CLTRN: variants seen among roughly 807,000 people sequenced by gnomAD.
CLTRN encodes collectrin.
CLTRN carries 12 observed loss-of-function variants against 14.5 expected under a neutral mutation model. The ratio of observed to expected loss-of-function variants is 0.83; its 90% confidence interval spans 0.53 to 1.34. CLTRN has a LOEUF of 1.34. CLTRN is among the 40% of genes most tolerant of loss of function. CLTRN has a pLI of 0.00. For missense variants in CLTRN, 154 were observed against 165.1 expected, an observed-to-expected ratio of 0.93 and a Z score of 0.37; for synonymous variants, 58 against 56.5, an observed-to-expected ratio of 1.03 and a Z score of -0.12.
chrX:15,655,810 G>T (rs146861413), intron 3 of CLTRN, among the ~76,000 whole-genome samples: 6 of 112,001 alleles, frequency 5.4e-5, no homozygotes, highest in Non-Finnish European at 1.1e-4. Context: ...AAGTTGGGGA[G>T]CATCCCTCCA....
intron 2 of CLTRN, 34 bp downstream of exon 2, chrX:15,664,303 A>G: frequency 8.9e-7 from 1 of 1,128,219 alleles, no homozygotes. Flanking sequence ...TTAGCAAACA[A>G]AATTTAAAAA....
At chrX:15,656,466 A>G (rs1436206003) in intron 3 of CLTRN, among the ~76,000 whole-genome samples, 1 of 111,681 alleles carries the variant, frequency 9.0e-6, no homozygotes, top group Non-Finnish European at 1.9e-5. Flanking sequence ...GTAGATAAAC[A>G]ATGGTGGGCG....
chrX:15,656,103 T>C (rs1442308494), intron 3 of CLTRN, among the ~76,000 whole-genome samples: 2 of 111,943 alleles, frequency 1.8e-5, no homozygotes, highest in Non-Finnish European at 1.9e-5. Flanking sequence ...GCCTCTCTGA[T>C]CCCCTTAGGG....
At chrX:15,668,943 T>C (rs1403145774), upstream of CLTRN, among the ~76,000 whole-genome samples, 1 of 112,120 alleles carries the variant, frequency 8.9e-6, no homozygotes, top group African/African-American at 3.2e-5. Flanking sequence ...TATCTACTTT[T>C]GTTGTTATGT....
upstream of CLTRN, among the ~76,000 whole-genome samples, chrX:15,669,758 T>C (rs1929682824): frequency 8.9e-6 from 1 of 112,265 alleles, no homozygotes; most frequent in South Asian, 3.6e-4. Flanking sequence ...CCAATGTTTC[T>C]TTTAAAATTG....
chrX:15,634,560 C>T (rs1011411927), intron 5 of CLTRN, among the ~76,000 whole-genome samples: 8 of 110,640 alleles, frequency 7.2e-5, no homozygotes, highest in Admixed American at 1.9e-4. Flanking sequence ...TGGCTAGACA[C>T]TAAATCTAGT....
chrX:15,655,154 C>T (rs1394507369), intron 3 of CLTRN, among the ~76,000 whole-genome samples: 1 of 111,948 alleles, frequency 8.9e-6, no homozygotes, highest in African/African-American at 3.3e-5. Flanking sequence ...CTCCGGGCTC[C>T]ACTCCCTACT....
chrX:15,638,785 T>A (rs899955854), intron 5 of CLTRN, among the ~76,000 whole-genome samples: 2 of 111,971 alleles, frequency 1.8e-5, no homozygotes, highest in African/African-American at 6.5e-5. Context: ...TATCAATAAC[T>A]TAGACATCGA....
chrX:15,646,458 A>ACC (rs774626802), intron 3 of CLTRN: 30 of 228,915 alleles, frequency 1.3e-4, no homozygotes, highest in East Asian at 3.3e-4. Context: ...AAAACCGCGC[A>ACC]CCCACCCCCC....
At chrX:15,669,749 C>A (rs952285308), upstream of CLTRN, among the ~76,000 whole-genome samples, 1 of 111,751 alleles carries the variant, frequency 8.9e-6, no homozygotes, top group African/African-American at 3.3e-5. Context: ...TGGAGATGAC[C>A]AATGTTTCTT....
chrX:15,664,846 C>T (rs898611808), upstream of CLTRN: 2 of 920,942 alleles, frequency 2.2e-6, no homozygotes, highest in Non-Finnish European at 3.1e-6. Flanking sequence ...TCTGCCTTAG[C>T]CATTCTGTGA....
chrX:15,660,516 A>G (rs1471679137), intron 2 of CLTRN, among the ~76,000 whole-genome samples: 1 of 110,156 alleles, frequency 9.1e-6, no homozygotes, highest in Non-Finnish European at 1.9e-5. Context: ...TACCATAAAG[A>G]ACAGAAAAGG....
chrX:15,657,894 T>C (rs1394870223), intron 3 of CLTRN, among the ~76,000 whole-genome samples: 4 of 112,093 alleles, frequency 3.6e-5, no homozygotes, highest in Non-Finnish European at 7.5e-5. Context: ...CACAAATGTA[T>C]ATGTGTTCAT....
intron 5 of CLTRN, among the ~76,000 whole-genome samples, chrX:15,635,179 T>C (rs1318310785): frequency 1.8e-5 from 2 of 108,970 alleles, no homozygotes; most frequent in African/African-American, 6.7e-5. Flanking sequence ...TGATGGGAAA[T>C]TGGCAAATGC....
intron 3 of CLTRN, among the ~76,000 whole-genome samples, chrX:15,653,221 T>G (rs1276651482): frequency 9.0e-6 from 1 of 111,696 alleles, no homozygotes; most frequent in East Asian, 2.8e-4. Context: ...TGGTTTGGGT[T>G]GGGTGTTGAA....
intron 3 of CLTRN, 56 bp downstream of exon 3, chrX:15,658,960 C>T (rs1216835897): frequency 3.0e-5 from 19 of 632,045 alleles, no homozygotes; most frequent in Admixed American, 5.2e-5. Context: ...TGAAATAATG[C>T]ACTATCTCAA....
chrX:15,652,471 C>CA (rs79756100), intron 3 of CLTRN, among the ~76,000 whole-genome samples: 4,951 of 57,750 alleles, frequency 0.086, 324 homozygotes, highest in African/African-American at 0.25. Context: ...ACTTTACAGA[C>CA]AAAAAAAAAA....
chrX:15,651,397 A>G (rs944591511), intron 3 of CLTRN, among the ~76,000 whole-genome samples: 13 of 110,825 alleles, frequency 1.2e-4, no homozygotes, highest in African/African-American at 4.3e-4. Flanking sequence ...TAAATACCAA[A>G]GTGGAAGCCA....
intron 4 of CLTRN, 116 bp downstream of exon 4, chrX:15,644,800 T>C: frequency 2.1e-6 from 1 of 473,712 alleles, no homozygotes; most frequent in Non-Finnish European, 3.5e-6. Flanking sequence ...TCTTTGTCAT[T>C]TTAATAAATA....
Sources: gnomAD v4.1 joint callset for allele counts (sites outside exome capture counted in the v4.1 genomes callset) on GRCh38, gnomAD v4.1.1 for gene constraint, MANE v1.5 for transcripts, NCBI Gene and HGNC (gene_info 2026-07-23, HGNC 2026-07-21) for gene names.